Variants in PPAT observed in about 807,000 individuals in gnomAD.
PPAT encodes the protein phosphoribosyl pyrophosphate amidotransferase.
PPAT carries 20 observed loss-of-function variants against 60.2 expected under a neutral mutation model. That is an observed-to-expected ratio of 0.33 (90% confidence interval 0.23 to 0.48). The LOEUF is 0.48. Among genes scored for constraint, PPAT ranks in the 20% least tolerant of loss-of-function variants. The pLI, the probability that PPAT is intolerant of heterozygous loss-of-function variation, is 0.99. For synonymous variants in PPAT, 194 were observed against 215.1 expected (o/e 0.90, Z 0.86); for missense variants, 349 against 629.6 (o/e 0.55, Z 4.77).
intron 3 of PPAT, among the ~76,000 whole-genome samples, chr4:56,405,080 T>C (rs1578116647): frequency 1.4e-5 from 2 of 144,772 alleles, no homozygotes; most frequent in Admixed American, 6.9e-5. Flanking sequence ...GGAATGAATA[T>C]AAAGACAGGC....
At chr4:56,402,826 A>C (rs1265177184) in intron 5 of PPAT, among the ~76,000 whole-genome samples, 3 of 102,536 alleles carry the variant, frequency 2.9e-5, no homozygotes, top group African/African-American at 1.2e-4. Context: ...TCTCCAAAAA[A>C]AAAAAAAAAA....
intron 1 of PPAT, among the ~76,000 whole-genome samples, chr4:56,424,354 G>A (rs1356494839): frequency 6.6e-6 from 1 of 152,100 alleles, no homozygotes; most frequent in Non-Finnish European, 1.5e-5. Context: ...ATTTTTAGAC[G>A]GTTCTCAAGC....
chr4:56,417,835 G>GTTTTTTTTTTTTTTTTTTTTTTT (rs1207160039), intron 1 of PPAT, among the ~76,000 whole-genome samples: 25 of 102,572 alleles, frequency 2.4e-4, no homozygotes, highest in African/African-American at 8.0e-4. Context: ...TGAAGATTTG[G>GTTTTTTTTTTTTTTTTTTTTTTT]TTTTTTGTTT....
chr4:56,403,039 C>T lies in PPAT; in HGVS notation c.661+1G>A. 6.3e-7 allele frequency: 1 copy of T among 1,599,050 alleles called. No individual in the cohort carries two copies. The highest frequency in any genetic ancestry group is 8.5e-7 in the Non-Finnish European group (1 of 1,174,234). Reference sequence around the variant, plus strand: ...ATGATATTCCTTCTAAAGTTTATTACCTTTGTCATTTATATCAGACACTGG... The same window carrying T: ...ATGATATTCCTTCTAAAGTTTATTATCTTTGTCATTTATATCAGACACTGG... On this transcript the variant is annotated splice_donor_variant, in intron 5 of 10. Coordinates refer to ENST00000264220, the MANE Select transcript of PPAT (RefSeq NM_002703.5). LOFTEE classifies it high-confidence loss of function.
chr4:56,405,441 G>T (rs1403285670), intron 3 of PPAT, among the ~76,000 whole-genome samples: 1 of 152,196 alleles, frequency 6.6e-6, no homozygotes, highest in Non-Finnish European at 1.5e-5. Flanking sequence ...GTAGCTAGGG[G>T]CTCCTGCACA....
chr4:56,424,851 C>T (rs755140117), intron 1 of PPAT, among the ~76,000 whole-genome samples: 6 of 152,132 alleles, frequency 3.9e-5, no homozygotes, highest in African/African-American at 1.2e-4. Flanking sequence ...TATGTATTCC[C>T]GCAAGCCACT....
In PPAT at chr4:56,425,500, G is replaced by A. The variant is rs182637363; in HGVS notation, c.128+9850C>T. On this transcript the variant is annotated intron_variant, in intron 1 of 10. Transcript: ENST00000264220. ...ATACAGGCAACTTGTTTATTATGAA[G>A]TCATGATTTTTCTAATTTGTACTGT... 4 of 341,684 alleles carry A rather than the reference G, an allele frequency of 1.2e-5. No homozygotes were observed. The East Asian group carries it at 6.6e-4, about 57-fold the overall frequency. The allele number at this position is 341,684 out of a possible 1,614,324, so 21.2% of individuals were successfully genotyped here.
Position 56,395,344 on chromosome 4 carries a change from C to A in PPAT, c.*8G>T. On this transcript the variant is annotated 3_prime_UTR_variant, in exon 11 of 11. Transcript: ENST00000264220. ...TATCTTGAAACTACACACATCCAACCCTACCAGCTACCATTCTAATTCTAC... is the reference window on the plus strand; with the variant it reads ...TATCTTGAAACTACACACATCCAACACTACCAGCTACCATTCTAATTCTAC... The A allele has an allele frequency of 1.9e-6, 3 of 1,590,694 alleles. No individual in the cohort carries two copies. The highest frequency in any genetic ancestry group is 1.1e-5 in the South Asian group (1 of 88,102).
intron 1 of PPAT, chr4:56,421,522 G>C (rs542918921): frequency 6.6e-6 from 1 of 152,340 alleles, no homozygotes; most frequent in East Asian, 1.9e-4. Flanking sequence ...AAATTGGGGG[G>C]TGTGGACAAG....
chr4:56,421,522 G>A (rs542918921), intron 1 of PPAT: 1 of 152,222 alleles, frequency 6.6e-6, no homozygotes, highest in African/African-American at 2.4e-5. Flanking sequence ...AAATTGGGGG[G>A]TGTGGACAAG....
At chr4:56,429,511 A>C (rs996172354) in intron 1 of PPAT, among the ~76,000 whole-genome samples, 1 of 152,226 alleles carries the variant, frequency 6.6e-6, no homozygotes, top group Non-Finnish European at 1.5e-5. Flanking sequence ...GCAATATAGC[A>C]TGTAGAAGAA....
rs557676402 is a variant in PPAT at position 56,406,589 on chromosome 4, T to C, written c.308A>G (p.Glu103Gly). 1 of 1,613,852 alleles carries C rather than the reference T, an allele frequency of 6.2e-7. No individual in the cohort carries two copies. Among genetic ancestry groups the C allele is most frequent in the South Asian group, 1.1e-5 (1 of 91,074 alleles). The change falls in exon 3 of 11, where the codon GAA becomes GGA. Residue 103 changes from glutamate to glycine, a missense_variant. Physicochemically the swap from Glu to Gly is moderately conservative, Grantham distance 98 (BLOSUM62 -2). Transcript: ENST00000264220. ...RYATTGKCEL[E>G]NCQPFVVETL... ...TTCAACAACGAAGGGCTGACAATTTTCTAGTTCACATTTTCCTGTGGTGGC... is the reference window on the plus strand; with the variant it reads ...TTCAACAACGAAGGGCTGACAATTTCCTAGTTCACATTTTCCTGTGGTGGC...
Position 56,435,600 on chromosome 4 carries a change from G to A in PPAT, c.-123C>T, listed in dbSNP as rs1578142408. ...TCGCGACAGGCTCTTCCTTCCCGAG[G>A]GTGGCCCCAGCTACTGCGGCGGCGC... On this transcript the variant is annotated 5_prime_UTR_variant, in exon 1 of 11. Transcript: ENST00000264220. The A allele has an allele frequency of 6.5e-7, 1 of 1,538,626 alleles. No individual in the cohort carries two copies. The highest frequency in any genetic ancestry group is 1.2e-5 in the South Asian group (1 of 82,050).
At chr4:56,420,490 T>C (rs1242706750) in intron 1 of PPAT, 10 of 152,218 alleles carry the variant, frequency 6.6e-5, no homozygotes, top group Admixed American at 5.2e-4. Context: ...TTTCATTACA[T>C]GCTATTTGAC....
chr4:56,393,719 G>C lies in PPAT; in HGVS notation c.*1633C>G, dbSNP rs913949410. On this transcript the variant is annotated 3_prime_UTR_variant, in exon 11 of 11. Transcript: ENST00000264220. The stretch of plus-strand genomic sequence containing the variant: ...AAGTAAAATCAGAGATTTTGGTTTA[G>C]TACTTTCCCTGAGTCTCTTGTTTTA... 2.6e-5 allele frequency: 4 copies of C among 152,746 alleles called. No homozygotes were observed. The South Asian group carries it at 6.2e-4, about 24-fold the overall frequency. 9.5% of individuals were successfully genotyped at this position (152,746 alleles called of 1,614,324 possible). A position where few individuals can be genotyped will look rare whatever the true frequency, so the allele number is the denominator to read the frequency against.
At chr4:56,423,125 A>G (rs1717126917) in intron 1 of PPAT, 1 of 152,258 alleles carries the variant, frequency 6.6e-6, no homozygotes, top group African/African-American at 2.4e-5. Context: ...GCTGAAGTAT[A>G]TCTGTTAAAA....
rs554252395 is a variant in PPAT, at chr4:56,420,076, A to G, written c.129-12360T>C. 568 of 733,140 alleles carry G rather than the reference A, an allele frequency of 7.7e-4. 4 individuals are homozygous for G. The African/African-American group carries it at 9.8e-3, about 13-fold the overall frequency. The allele number at this position is 733,140 out of a possible 1,614,324, so 45.4% of individuals were successfully genotyped here. On this transcript the variant is annotated intron_variant, in intron 1 of 10. Coordinates refer to ENST00000264220, the MANE Select transcript of PPAT (RefSeq NM_002703.5). ...AGGAAGGTGAAGAAAAATAATCTTA[A>G]CATCATGTTACATCACACAGGTTCA...
intron 2 of PPAT, 117 bp from the exon 3 acceptor site, chr4:56,406,818 T>C: frequency 1.4e-6 from 1 of 720,052 alleles, no homozygotes; most frequent in South Asian, 1.9e-5. Context: ...TTAATATCTC[T>C]GTGTTTCAGA....
At chr4:56,431,511 C>A (rs1717583629) in intron 1 of PPAT, 3 of 979,964 alleles carry the variant, frequency 3.1e-6, no homozygotes, top group African/African-American at 1.8e-5. Flanking sequence ...AAAGATTCTA[C>A]AGAATGTTTC....
Sources: gnomAD v4.1 joint callset for allele counts (sites outside exome capture counted in the v4.1 genomes callset) on GRCh38, gnomAD v4.1.1 for gene constraint, MANE v1.5 for transcripts, NCBI Gene and HGNC (gene_info 2026-07-23, HGNC 2026-07-21) for gene names.